Variants in DMD observed in about 807,000 individuals in gnomAD.
DMD encodes dystrophin.
In DMD, 63 loss-of-function variants were observed where a neutral mutation model predicts 330.1. The observed-to-expected ratio is 0.19, with a 90% CI of 0.16 to 0.24. The LOEUF (loss-of-function observed/expected upper bound fraction) is 0.24, where lower values mean the gene tolerates loss of function less well. Among genes scored for constraint, DMD ranks in the 10% least tolerant of loss-of-function variants. The pLI is 1.00. For missense variants in DMD, 3,344 were observed against 2,684.1 expected, an observed-to-expected ratio of 1.25 and a Z score of -5.43; for synonymous variants, 1,223 against 959.8, an observed-to-expected ratio of 1.27 and a Z score of -5.07.
intron 7 of DMD, among the ~76,000 whole-genome samples, chrX:32,738,799 A>G (rs908212015): frequency 9.0e-6 from 1 of 111,646 alleles, no homozygotes; most frequent in African/African-American, 3.3e-5. Context: ...TATAGATGGA[A>G]TATCATACTA....
At chrX:32,682,492 T>C (rs752701298) in intron 9 of DMD, among the ~76,000 whole-genome samples, 8 of 111,862 alleles carry the variant, frequency 7.2e-5, no homozygotes, top group Non-Finnish European at 1.3e-4. Context: ...GACATTTCTA[T>C]TAGCGAGTAT....
chrX:31,378,478 A>G (rs959535851), intron 60 of DMD, among the ~76,000 whole-genome samples: 3 of 111,518 alleles, frequency 2.7e-5, no homozygotes, highest in Non-Finnish European at 5.7e-5. Context: ...CCGTGGACCC[A>G]AAACTCCGGC....
At chrX:31,286,177 T>C (rs764358842) in intron 62 of DMD, among the ~76,000 whole-genome samples, 16 of 112,320 alleles carry the variant, frequency 1.4e-4, no homozygotes, top group Non-Finnish European at 2.3e-4. Context: ...GTAATGGAGG[T>C]TGTCTTCTAG....
At chrX:33,139,715 C>T (rs1014318205) in intron 1 of DMD, among the ~76,000 whole-genome samples, 4 of 109,482 alleles carry the variant, frequency 3.7e-5, no homozygotes, top group African/African-American at 1.3e-4. Flanking sequence ...TTTTGAGCTT[C>T]CTGAGGCTTT....
chrX:31,154,250 G>T (rs1253738849), intron 74 of DMD, among the ~76,000 whole-genome samples: 1 of 111,306 alleles, frequency 9.0e-6, no homozygotes, highest in Non-Finnish European at 1.9e-5. Flanking sequence ...GGTTCCCTCA[G>T]AGTTACTGTT....
chrX:33,181,995 A>G (rs556569110), intron 1 of DMD, among the ~76,000 whole-genome samples: 7 of 111,979 alleles, frequency 6.3e-5, no homozygotes, highest in Admixed American at 5.7e-4. Context: ...AGAAATACCA[A>G]TTGTTTCTAA....
chrX:32,365,267 G>T (rs912617386), intron 34 of DMD, 68 bp from the exon 35 acceptor site: 1 of 1,083,374 alleles, frequency 9.2e-7, no homozygotes, highest in Non-Finnish European at 1.3e-6. Flanking sequence ...CTTATGAAAC[G>T]GCTTTCTGTA....
At chrX:32,175,361 G>C (rs1288022440) in intron 44 of DMD, among the ~76,000 whole-genome samples, 1 of 110,408 alleles carries the variant, frequency 9.1e-6, no homozygotes, top group Non-Finnish European at 1.9e-5. Context: ...GGGGAGGATT[G>C]AAAAAAGGGC....
At chrX:32,960,491 G>T (rs921349417) in intron 2 of DMD, 1 of 112,266 alleles carries the variant, frequency 8.9e-6, no homozygotes, top group Non-Finnish European at 1.9e-5. Flanking sequence ...CCCGAAGACA[G>T]TGAGAAGGCA....
chrX:31,172,970 T>G (rs1025546128), intron 72 of DMD, among the ~76,000 whole-genome samples: 9 of 111,846 alleles, frequency 8.0e-5, no homozygotes, highest in Admixed American at 2.9e-4. Flanking sequence ...TTGTTTGTTT[T>G]TTTACAACTA....
At chrX:32,669,255 T>A (rs1202820562) in intron 9 of DMD, among the ~76,000 whole-genome samples, 1 of 111,748 alleles carries the variant, frequency 8.9e-6, no homozygotes, top group Admixed American at 9.6e-5. Flanking sequence ...TAAAAATCCC[T>A]CTCACAGCAC....
rs2147933928 is a variant in DMD at position 31,147,316 on chromosome X, G to A, written c.10756C>T (p.Leu3586=). 8.3e-7 allele frequency: 1 copy of A among 1,210,465 alleles called. No homozygotes were observed. Among genetic ancestry groups the A allele is most frequent in the Admixed American group, 2.2e-5 (1 of 45,937 alleles). ...MQILEDHNKQ[L]ESQLHRLRQL... ...CTTAGCCTGTGTAACTGTGACTCCA[G>A]CTGTTTATTGTGGTCTTCCAGGATT... Residue 3586 remains leucine (L), a synonymous_variant, in exon 75 of 79, where the codon CTG becomes TTG. Coordinates refer to ENST00000357033, the MANE Select transcript of DMD (RefSeq NM_004006.3).
intron 1 of DMD, among the ~76,000 whole-genome samples, chrX:33,109,114 CT>C (rs2095319090): frequency 9.1e-6 from 1 of 109,440 alleles, no homozygotes; most frequent in East Asian, 2.9e-4. Context: ...ATTAAGTTCC[CT>C]AGATCAACCA....
intron 2 of DMD, among the ~76,000 whole-genome samples, chrX:32,929,354 G>A (rs1019208769): frequency 4.5e-5 from 5 of 110,602 alleles, no homozygotes; most frequent in East Asian, 2.9e-4. Flanking sequence ...GCTCCCTTCC[G>A]TTCTACGTTT....
intron 43 of DMD, among the ~76,000 whole-genome samples, chrX:32,250,063 A>G (rs2097257456): frequency 8.9e-6 from 1 of 112,000 alleles, no homozygotes. Context: ...TAAGGTCTTC[A>G]TCTTGTTCTT....
intron 55 of DMD, among the ~76,000 whole-genome samples, chrX:31,574,145 TG>T (rs1459867968): frequency 0.064 from 6,027 of 94,250 alleles, 249 homozygotes; most frequent in Non-Finnish European, 0.091. Context: ...TTTTTTTTTT[TG>T]TTTTTTTTTT....
chrX:31,991,270 T>C (rs185309972), intron 44 of DMD, among the ~76,000 whole-genome samples: 69 of 111,334 alleles, frequency 6.2e-4, no homozygotes, highest in Non-Finnish European at 1.1e-4. Flanking sequence ...GATCACAGTA[T>C]TATAAATGGA....
intron 67 of DMD, among the ~76,000 whole-genome samples, chrX:31,186,715 T>G (rs924478612): frequency 1.8e-5 from 2 of 112,070 alleles, no homozygotes; most frequent in Non-Finnish European, 3.8e-5. Flanking sequence ...CAGAGGTACT[T>G]TGTGGAAAAA....
At chrX:32,146,281 AGAT>A (rs2096777906) in intron 44 of DMD, among the ~76,000 whole-genome samples, 1 of 111,971 alleles carries the variant, frequency 8.9e-6, no homozygotes. Flanking sequence ...AGAGATAGAT[AGAT>A]GATAGATAAA....
Sources: allele counts gnomAD v4.1 joint callset (sites outside exome capture counted in the v4.1 genomes callset), GRCh38; gene constraint gnomAD v4.1.1; transcripts MANE v1.5; gene names NCBI Gene and HGNC (gene_info 2026-07-23, HGNC 2026-07-21).